KLF12: variants seen among roughly 807,000 people sequenced by gnomAD.
KLF12 encodes Krueppel-like factor 12.
A neutral mutation model predicts 37.8 loss-of-function variants in KLF12; 9 were observed. The observed-to-expected ratio is 0.24, with a 90% confidence interval of 0.14 to 0.42. The LOEUF is 0.42. Among genes scored for constraint, KLF12 ranks in the 10% least tolerant of loss-of-function variants. The pLI, the probability that KLF12 is intolerant of heterozygous loss-of-function variation, is 1.00. For missense variants in KLF12, 411 were observed against 516.0 expected, an observed-to-expected ratio of 0.80 and a Z score of 1.97; for synonymous variants, 208 against 202.1, an observed-to-expected ratio of 1.03 and a Z score of -0.25.
intron 5 of KLF12, among the ~76,000 whole-genome samples, chr13:73,802,440 T>C (rs557996939): frequency 6.6e-6 from 1 of 152,286 alleles, no homozygotes; most frequent in African/African-American, 2.4e-5. Context: ...AATCACCTTT[T>C]AGTTTTAATT....
chr13:74,188,433 G>C, the KLF12 span, among the ~76,000 whole-genome samples: 3 of 152,134 alleles, frequency 2.0e-5, no homozygotes, highest in Non-Finnish European at 4.4e-5. Flanking sequence ...TTTGATGATG[G>C]AAAGTTCAAC....
the KLF12 span, among the ~76,000 whole-genome samples, chr13:74,161,356 G>A: frequency 6.6e-6 from 1 of 151,964 alleles, no homozygotes; most frequent in African/African-American, 2.4e-5. Flanking sequence ...CTGAATTTAG[G>A]GTGGGCCCTA....
At chr13:73,844,844 C>A in intron 4 of KLF12, 1 of 152,112 alleles carries the variant, frequency 6.6e-6, no homozygotes, top group East Asian at 1.9e-4. Flanking sequence ...CAACATAAAT[C>A]TTAATCCATC....
chr13:73,989,780 C>T (rs949491699), intron 2 of KLF12, among the ~76,000 whole-genome samples: 9 of 151,936 alleles, frequency 5.9e-5, no homozygotes, highest in Admixed American at 3.9e-4. Context: ...GCAGCAAATA[C>T]CAAAAGCCAG....
intron 6 of KLF12, among the ~76,000 whole-genome samples, chr13:73,748,155 C>A (rs1878499874): frequency 6.6e-6 from 1 of 152,144 alleles, no homozygotes; most frequent in African/African-American, 2.4e-5. Context: ...CACCTGGGAG[C>A]AAATTACTGA....
chr13:74,018,337 C>T (rs1039095189), intron 1 of KLF12, among the ~76,000 whole-genome samples: 1 of 152,106 alleles, frequency 6.6e-6, no homozygotes, highest in Non-Finnish European at 1.5e-5. Context: ...TCAAAGAATA[C>T]ATATTTGCAG....
At chr13:73,913,887 T>C (rs1287307118) in intron 3 of KLF12, among the ~76,000 whole-genome samples, 1 of 152,228 alleles carries the variant, frequency 6.6e-6, no homozygotes, top group East Asian at 1.9e-4. Context: ...TATAATTGCA[T>C]CTGGAACAGC....
chr13:74,169,355 C>A, the KLF12 span, among the ~76,000 whole-genome samples: 1 of 152,148 alleles, frequency 6.6e-6, no homozygotes, highest in African/African-American at 2.4e-5. Flanking sequence ...AATGTGATCT[C>A]ATTTTTGTAG....
At chr13:74,191,058 G>T in the KLF12 span, among the ~76,000 whole-genome samples, 1 of 152,180 alleles carries the variant, frequency 6.6e-6, no homozygotes, top group African/African-American at 2.4e-5. Context: ...CAGAAGCTAG[G>T]AGTATCTTAA....
At chr13:73,838,608 G>T (rs1884566148) in intron 4 of KLF12, among the ~76,000 whole-genome samples, 1 of 152,122 alleles carries the variant, frequency 6.6e-6, no homozygotes, top group African/African-American at 2.4e-5. Flanking sequence ...TTTCAAGTAT[G>T]ACACCATTTC....
intron 1 of KLF12, among the ~76,000 whole-genome samples, chr13:74,051,680 G>A (rs1045234695): frequency 1.3e-5 from 2 of 152,006 alleles, no homozygotes; most frequent in African/African-American, 4.8e-5. Flanking sequence ...AAAAGAGAAA[G>A]GGGGAGAAAG....
At chr13:74,202,156 T>C in the KLF12 span, among the ~76,000 whole-genome samples, 18,528 of 152,186 alleles carry the variant, frequency 0.12, 1,335 homozygotes, top group African/African-American at 0.19. Context: ...TCTTTTGTAT[T>C]TCCACCAAGC....
intron 3 of KLF12, among the ~76,000 whole-genome samples, chr13:73,918,138 G>A (rs1459318472): frequency 2.6e-5 from 4 of 151,888 alleles, no homozygotes; most frequent in African/African-American, 4.8e-5. Flanking sequence ...GAGAGAGAGA[G>A]ATGTATTTTC....
At position 73,879,328 on chromosome 13, in the gene KLF12, C is replaced by G. The variant is rs80074132; in HGVS notation, c.124-32955G>C. Among the ~76,000 whole-genome samples the G allele has an allele frequency of 1.0e-3, 158 of 152,294 alleles. 1 individual carries two copies. Among genetic ancestry groups the G allele is most frequent in the African/African-American group, 3.7e-3 (154 of 41,572 alleles). On this transcript the variant is annotated intron_variant, in intron 3 of 7. Coordinates refer to ENST00000377669, the MANE Select transcript of KLF12 (RefSeq NM_007249.5). ...GCTCAAATGTCACTGTTTGGTGAAG[C>G]CTTCCTTTATGACCCTGGGATAGTT...
the KLF12 span, among the ~76,000 whole-genome samples, chr13:74,276,711 C>T: frequency 2.0e-5 from 3 of 152,182 alleles, no homozygotes; most frequent in Non-Finnish European, 4.4e-5. Context: ...AACTCTTCAT[C>T]TTATTTAACC....
At chr13:74,074,609 T>C (rs951243631) in intron 1 of KLF12, among the ~76,000 whole-genome samples, 3 of 152,170 alleles carry the variant, frequency 2.0e-5, no homozygotes, top group East Asian at 1.9e-4. Context: ...TACCATCACA[T>C]TGGCCATGAA....
intron 2 of KLF12, among the ~76,000 whole-genome samples, chr13:73,959,481 A>G (rs1047774838): frequency 3.3e-5 from 5 of 149,806 alleles, no homozygotes; most frequent in African/African-American, 1.2e-4. Flanking sequence ...GAAGCCTTAG[A>G]AAATATGTCT....
chr13:74,190,807 AACTTATC>A, the KLF12 span, among the ~76,000 whole-genome samples: 2 of 152,232 alleles, frequency 1.3e-5, no homozygotes, highest in Non-Finnish European at 2.9e-5. Flanking sequence ...GGCTACTGAC[AACTTATC>A]ACTAAGAGAG....
At chr13:73,829,802 C>G (rs1884056240) in intron 4 of KLF12, among the ~76,000 whole-genome samples, 1 of 152,180 alleles carries the variant, frequency 6.6e-6, no homozygotes, top group Non-Finnish European at 1.5e-5. Context: ...GTGGCTTACT[C>G]TTGCTATTAA....
Sources: gnomAD v4.1 joint callset for allele counts (sites outside exome capture counted in the v4.1 genomes callset) on GRCh38, gnomAD v4.1.1 for gene constraint, MANE v1.5 for transcripts, NCBI Gene and HGNC (gene_info 2026-07-23, HGNC 2026-07-21) for gene names.